The following CYB5A variants were observed in gnomAD, a reference collection of about 807,000 sequenced individuals.
CYB5A encodes the protein cytochrome b5 type A.
Under a neutral mutation model 16.2 loss-of-function variants are expected in CYB5A, and 10 were observed. That is an observed-to-expected ratio of 0.62 (90% CI 0.38 to 1.04). CYB5A has a LOEUF of 1.04. Among genes scored for constraint, CYB5A ranks in the 50% least tolerant of loss-of-function variants. The pLI is 0.01. For missense variants in CYB5A, 161 were observed against 165.9 expected (o/e 0.97, Z 0.16); for synonymous variants, 62 against 57.0 (o/e 1.09, Z -0.40).
intron 1 of CYB5A, among the ~76,000 whole-genome samples, chr18:74,288,785 C>CG (rs1208500672): frequency 3.9e-5 from 6 of 152,056 alleles, no homozygotes; most frequent in African/African-American, 1.4e-4. Flanking sequence ...GAGGCTTTGC[C>CG]GGGGGCTGGG....
intron 1 of CYB5A, among the ~76,000 whole-genome samples, chr18:74,267,125 G>A (rs1454263262): frequency 6.6e-6 from 1 of 151,948 alleles, no homozygotes; most frequent in African/African-American, 2.4e-5. Flanking sequence ...ACTCTTGTTA[G>A]TAAATACATG....
intron 1 of CYB5A, among the ~76,000 whole-genome samples, chr18:74,264,237 A>G (rs111499036): frequency 7.2e-4 from 22 of 30,368 alleles, no homozygotes; most frequent in Admixed American, 6.0e-3. Flanking sequence ...GAGAGCGAGA[A>G]AGAAAGAACC....
At chr18:74,286,757 G>A (rs915787572) in intron 1 of CYB5A, among the ~76,000 whole-genome samples, 1 of 152,186 alleles carries the variant, frequency 6.6e-6, no homozygotes, top group Non-Finnish European at 1.5e-5. Flanking sequence ...ATCTTCACCA[G>A]GAGGACTTTT....
intron 3 of CYB5A, chr18:74,260,502 A>C: frequency 3.2e-6 from 1 of 308,824 alleles, no homozygotes; most frequent in Non-Finnish European, 6.3e-6. Context: ...TACTATGCCC[A>C]AGAGACTTAA....
At chr18:74,279,696 A>G (rs1983017955) in intron 1 of CYB5A, among the ~76,000 whole-genome samples, 2 of 152,108 alleles carry the variant, frequency 1.3e-5, no homozygotes, top group African/African-American at 2.4e-5. Context: ...CCTCTCTTTC[A>G]TGTTTAATCA....
intron 1 of CYB5A, 116 bp downstream of exon 1, chr18:74,291,631 G>A (rs536934912): frequency 6.7e-7 from 1 of 1,492,578 alleles, no homozygotes; most frequent in Non-Finnish European, 9.2e-7. Context: ...GCGAACTCGG[G>A]GGGCGCGCCT....
intron 1 of CYB5A, among the ~76,000 whole-genome samples, chr18:74,266,794 G>T (rs1982453986): frequency 6.7e-6 from 1 of 148,726 alleles, no homozygotes. Flanking sequence ...GATTATATTG[G>T]TTTCACTGAT....
rs1981816672 is a variant in CYB5A, at chr18:74,252,805, G to C, written c.*779C>G. ...TACAACCTCTGCCTCCTGGGTTCAAGCAATTCTCCTGCCTCAGCCTCCCAA... is the reference window on the plus strand; with the variant it reads ...TACAACCTCTGCCTCCTGGGTTCAACCAATTCTCCTGCCTCAGCCTCCCAA... On this transcript the variant is annotated 3_prime_UTR_variant, in exon 5 of 5. Transcript: ENST00000340533. 6.6e-6 allele frequency: 1 copy of C among 152,178 alleles called. No homozygotes were observed. The highest frequency in any genetic ancestry group is 2.4e-5 in the African/African-American group (1 of 41,400). The allele number at this position is 152,178 out of a possible 1,614,324, so 9.4% of individuals were successfully genotyped here.
intron 1 of CYB5A, 72 bp from the exon 2 acceptor site, chr18:74,263,549 AT>A (rs2145048660): frequency 7.2e-7 from 1 of 1,380,450 alleles, no homozygotes. Context: ...GCCAGAATTT[AT>A]TTAACCAAAC....
intron 1 of CYB5A, among the ~76,000 whole-genome samples, chr18:74,282,141 C>G (rs898149301): frequency 6.6e-6 from 1 of 152,194 alleles, no homozygotes; most frequent in African/African-American, 2.4e-5. Flanking sequence ...TGTCACAATC[C>G]AGACTTTCAC....
chr18:74,291,193 G>A (rs982124385), intron 1 of CYB5A, among the ~76,000 whole-genome samples: 18 of 152,232 alleles, frequency 1.2e-4, no homozygotes, highest in African/African-American at 4.3e-4. Flanking sequence ...GTCTCCAGCC[G>A]GCCACTGCGG....
In CYB5A at chr18:74,273,781, C is replaced by A. The variant is rs1632560; in HGVS notation, c.130-10304G>T. Among the ~76,000 whole-genome samples, 21 of 152,204 alleles carry A rather than the reference C, an allele frequency of 1.4e-4. 1 individual carries two copies. Among genetic ancestry groups the A allele is most frequent in the Non-Finnish European group, 1.5e-5 (1 of 68,040 alleles). The stretch of plus-strand genomic sequence containing the variant: ...GCCAGCTCTACACTCACAGCTCCCC[C>A]GGGGATCACAACAGGCTTCCTTCCT... On this transcript the variant is annotated intron_variant, in intron 1 of 4. Coordinates refer to ENST00000340533, the MANE Select transcript of CYB5A (RefSeq NM_148923.4).
In CYB5A at chr18:74,283,766, T is replaced by C. The variant is rs181603792; in HGVS notation, c.129+7981A>G. ...TGGATCTCAAGCCTCAGCAACAGAC[T>C]CAGCACTGAAGACACTGGGTCGCAG... On this transcript the variant is annotated intron_variant, in intron 1 of 4. Coordinates refer to ENST00000340533, the MANE Select transcript of CYB5A (RefSeq NM_148923.4). Among the ~76,000 whole-genome samples, 4 of 152,296 alleles carry C rather than the reference T, an allele frequency of 2.6e-5. No homozygotes were observed. The East Asian group carries it at 5.8e-4, about 22-fold the overall frequency.
rs1983552106 is a variant in CYB5A, at chr18:74,291,737, C to T, written c.129+10G>A. 3 of 1,613,762 alleles carry T rather than the reference C, an allele frequency of 1.9e-6. No homozygotes were observed. The highest frequency in any genetic ancestry group is 8.5e-7 in the Non-Finnish European group (1 of 1,179,762). ...CTCCCTGCGCCCCAAGCCGCTCATC[C>T]CCAACTCACCTCTTCCAGAAATTTG... On this transcript the variant is annotated intron_variant, in intron 1 of 4. Transcript: ENST00000340533.
rs558951259 is a variant in CYB5A at position 74,281,828 on chromosome 18, G to A, written c.129+9919C>T. Among the ~76,000 whole-genome samples the A allele has an allele frequency of 4.6e-3, 686 of 149,812 alleles. 8 individuals are homozygous for A. Among genetic ancestry groups the A allele is most frequent in the African/African-American group, 0.016 (649 of 40,758 alleles). On this transcript the variant is annotated intron_variant, in intron 1 of 4. Transcript: ENST00000340533. ...GTTTTTGCAGGAGAGGAGGGTGTGT[G>A]TGTGTGTGTGTGTGTTTTGCAGGAA...
At chr18:74,284,933 G>A (rs1391679998) in intron 1 of CYB5A, among the ~76,000 whole-genome samples, 1 of 152,122 alleles carries the variant, frequency 6.6e-6, no homozygotes, top group African/African-American at 2.4e-5. Flanking sequence ...CAGCAAGAAC[G>A]GAGCTGTCCC....
intron 1 of CYB5A, among the ~76,000 whole-genome samples, chr18:74,276,707 C>G (rs966452146): frequency 6.6e-6 from 1 of 152,104 alleles, no homozygotes. Context: ...AAAAATGAAC[C>G]GAACCCAGGG....
In CYB5A at chr18:74,291,946, G is replaced by A. The variant is rs1983568329; in HGVS notation, c.-71C>T. ...TGGAGCAGAGCGCGCGACTCAGCCA[G>A]CTCCACCCGGGACATTCCCCGCGCC... On this transcript the variant is annotated 5_prime_UTR_variant, in exon 1 of 5. Coordinates refer to ENST00000340533, the MANE Select transcript of CYB5A (RefSeq NM_148923.4). The A allele has an allele frequency of 1.9e-6, 3 of 1,599,810 alleles. No individual in the cohort carries two copies. Among genetic ancestry groups the A allele is most frequent in the Admixed American group, 1.7e-5 (1 of 59,962 alleles).
chr18:74,284,897 G>C (rs991467456), intron 1 of CYB5A, among the ~76,000 whole-genome samples: 3 of 152,160 alleles, frequency 2.0e-5, no homozygotes, highest in Admixed American at 6.5e-5. Flanking sequence ...TAAGCCAACA[G>C]GCAGCACAGG....
Sources: gnomAD v4.1 joint callset for allele counts (sites outside exome capture counted in the v4.1 genomes callset) on GRCh38, gnomAD v4.1.1 for gene constraint, MANE v1.5 for transcripts, NCBI Gene and HGNC (gene_info 2026-07-23, HGNC 2026-07-21) for gene names.